SHTN1: variants seen among roughly 807,000 people sequenced by gnomAD.
The protein encoded by SHTN1 is shootin 1, also known as shootin-1.
SHTN1 carries 42 observed loss-of-function variants against 83.1 expected under a neutral mutation model. That is an observed-to-expected ratio of 0.51 (90% CI 0.39 to 0.65). The LOEUF (loss-of-function observed/expected upper bound fraction) is 0.65, where lower values mean the gene tolerates loss of function less well. Ranked by LOEUF, SHTN1 falls within the 30% of genes least tolerant of loss-of-function variation. The pLI is 0.00. For synonymous variants in SHTN1, 224 were observed against 247.7 expected (o/e 0.90, Z 0.90); for missense variants, 622 against 737.8 (o/e 0.84, Z 1.82).
At chr10:117,065,765 A>G (rs867403257) in intron 1 of SHTN1, among the ~76,000 whole-genome samples, 5 of 63,714 alleles carry the variant, frequency 7.8e-5, no homozygotes, top group African/African-American at 3.8e-4. Context: ...AGAAAGAAAG[A>G]AAGAAAGAAA....
At chr10:116,905,470 C>T (rs1011711460) in intron 15 of SHTN1, among the ~76,000 whole-genome samples, 2 of 152,046 alleles carry the variant, frequency 1.3e-5, no homozygotes, top group East Asian at 1.9e-4. Flanking sequence ...CCAAACCAAC[C>T]TAAAAACTGA....
chr10:117,028,294 T>C (rs1852359125), intron 2 of SHTN1, among the ~76,000 whole-genome samples: 1 of 152,058 alleles, frequency 6.6e-6, no homozygotes, highest in South Asian at 2.1e-4. Flanking sequence ...TGACCTAAAG[T>C]TGGAACTTAT....
chr10:117,015,264 C>T (rs1449777066), intron 2 of SHTN1, among the ~76,000 whole-genome samples: 2 of 152,166 alleles, frequency 1.3e-5, no homozygotes, highest in Non-Finnish European at 2.9e-5. Flanking sequence ...GACTCTGGCT[C>T]TGCTGACAGC....
intron 16 of SHTN1, among the ~76,000 whole-genome samples, chr10:116,899,506 G>GGTGTGTGTGTGTGTGTGTGTGTGT (rs370396879): frequency 8.9e-4 from 111 of 124,570 alleles, no homozygotes; most frequent in African/African-American, 3.0e-3. Flanking sequence ...GGCTGGGGCT[G>GGTGTGTGTGTGTGTGTGTGTGTGT]GTGTGTGTGT....
intron 1 of SHTN1, among the ~76,000 whole-genome samples, chr10:117,089,191 G>A (rs957216963): frequency 2.0e-5 from 3 of 152,176 alleles, no homozygotes; most frequent in African/African-American, 7.2e-5. Context: ...GGGCACAAGG[G>A]AATTTTGAGG....
intron 1 of SHTN1, among the ~76,000 whole-genome samples, chr10:117,075,959 G>C (rs1320705661): frequency 6.6e-6 from 1 of 152,110 alleles, no homozygotes; most frequent in Non-Finnish European, 1.5e-5. Flanking sequence ...AAGGTGAGCA[G>C]ACCACTTGAG....
At chr10:117,059,550 A>G (rs1255791325) in intron 1 of SHTN1, among the ~76,000 whole-genome samples, 1 of 152,206 alleles carries the variant, frequency 6.6e-6, no homozygotes, top group Non-Finnish European at 1.5e-5. Flanking sequence ...ATGAAAAGGA[A>G]CAAACTCTTG....
At chr10:117,125,024 G>A (rs182378639) in intron 1 of SHTN1, among the ~76,000 whole-genome samples, 291 of 152,218 alleles carry the variant, frequency 1.9e-3, no homozygotes, top group African/African-American at 6.6e-3. Flanking sequence ...AAAAATTGCT[G>A]AGCCAAACAT....
chr10:116,992,739 C>T (rs1122688), intron 1 of SHTN1, among the ~76,000 whole-genome samples: 106,440 of 151,990 alleles, frequency 0.7, 37,577 homozygotes, highest in Middle Eastern at 0.79. Context: ...TATATACTGT[C>T]TGTCCTGGAG....
intron 1 of SHTN1, among the ~76,000 whole-genome samples, chr10:117,085,067 G>C (rs946616645): frequency 5.9e-5 from 9 of 152,258 alleles, no homozygotes; most frequent in African/African-American, 1.7e-4. Flanking sequence ...CTCCCCCAGG[G>C]TTTGTGAATT....
chr10:116,905,056 C>A (rs1261202414), intron 15 of SHTN1, among the ~76,000 whole-genome samples: 2 of 151,548 alleles, frequency 1.3e-5, no homozygotes, highest in East Asian at 3.9e-4. Context: ...AAAAAATTAG[C>A]CGGGCGCGGT....
At chr10:117,048,569 A>T in intron 1 of SHTN1, 3 of 592,200 alleles carry the variant, frequency 5.1e-6, no homozygotes, top group Non-Finnish European at 6.4e-6. Context: ...CAGTGCAATT[A>T]AGCATACTGC....
chr10:116,934,870 G>A (rs1373019657), intron 9 of SHTN1, among the ~76,000 whole-genome samples: 2 of 152,146 alleles, frequency 1.3e-5, no homozygotes, highest in African/African-American at 4.8e-5. Flanking sequence ...AGTTCTCCGT[G>A]AAGAGGTCCT....
chr10:116,905,413 G>A (rs1847932229), intron 15 of SHTN1, among the ~76,000 whole-genome samples: 1 of 152,068 alleles, frequency 6.6e-6, no homozygotes, highest in South Asian at 2.1e-4. Context: ...GTTTTGGGGG[G>A]CACAGTAGGA....
intron 3 of SHTN1, among the ~76,000 whole-genome samples, chr10:116,963,034 A>G (rs1295332026): frequency 4.1e-5 from 4 of 97,940 alleles, no homozygotes; most frequent in African/African-American, 1.6e-4. Flanking sequence ...GAATAATAAA[A>G]GTTTTTTTTT....
chr10:116,950,609 C>A (rs1237617397), intron 6 of SHTN1, among the ~76,000 whole-genome samples: 1 of 152,194 alleles, frequency 6.6e-6, no homozygotes, highest in Non-Finnish European at 1.5e-5. Flanking sequence ...ACAGAGCACA[C>A]TAAGAAACAA....
intron 9 of SHTN1, among the ~76,000 whole-genome samples, chr10:116,931,065 A>G (rs1848942501): frequency 6.6e-6 from 1 of 151,900 alleles, no homozygotes. Context: ...CATTTTCAAA[A>G]GAAAAATTCA....
chr10:117,102,303 A>G (rs1441441464), intron 1 of SHTN1, among the ~76,000 whole-genome samples: 5 of 152,176 alleles, frequency 3.3e-5, no homozygotes, highest in Admixed American at 1.3e-4. Context: ...AAGGTATTTC[A>G]AATCTTTTAC....
At chr10:116,921,189 C>T (rs937418167) in intron 12 of SHTN1, among the ~76,000 whole-genome samples, 1 of 152,050 alleles carries the variant, frequency 6.6e-6, no homozygotes, top group Non-Finnish European at 1.5e-5. Flanking sequence ...CTCCAAGGTA[C>T]CCTGACCTTT....
Sources: allele counts gnomAD v4.1 joint callset (sites outside exome capture counted in the v4.1 genomes callset), GRCh38; gene constraint gnomAD v4.1.1; transcripts MANE v1.5; gene names NCBI Gene and HGNC (gene_info 2026-07-23, HGNC 2026-07-21).